KCNU1: variants seen among roughly 807,000 people sequenced by gnomAD.
KCNU1 encodes the protein potassium calcium-activated channel subfamily U member 1.
Under a neutral mutation model 126.8 loss-of-function variants are expected in KCNU1, and 93 were observed. The observed-to-expected ratio is 0.73, with a 90% CI of 0.62 to 0.87. KCNU1 has a LOEUF of 0.87. KCNU1 is among the 40% of genes least tolerant of loss of function. The probability of loss-of-function intolerance (pLI) is 0.00; values close to 1 mark genes in which losing one functional copy is unlikely to be tolerated. For synonymous variants in KCNU1, 523 were observed against 494.2 expected, an observed-to-expected ratio of 1.06 and a Z score of -0.77; for missense variants, 1,330 against 1,367.1, an observed-to-expected ratio of 0.97 and a Z score of 0.43.
intron 10 of KCNU1, among the ~76,000 whole-genome samples, chr8:36,824,826 T>C (rs1804256701): frequency 6.6e-6 from 1 of 152,196 alleles, no homozygotes; most frequent in Non-Finnish European, 1.5e-5. Context: ...GTATAATACT[T>C]ATTGTTATTG....
chr8:36,847,020 A>T (rs1429605970), intron 18 of KCNU1, among the ~76,000 whole-genome samples: 2 of 152,060 alleles, frequency 1.3e-5, no homozygotes, highest in African/African-American at 4.8e-5. Context: ...GTCTTCACTG[A>T]TTTCTCCTGA....
chr8:36,879,979 G>A (rs1806414178), intron 19 of KCNU1, among the ~76,000 whole-genome samples: 1 of 152,220 alleles, frequency 6.6e-6, no homozygotes, highest in Non-Finnish European at 1.5e-5. Context: ...CCAGCGTACA[G>A]CAACTCTGGC....
intron 19 of KCNU1, among the ~76,000 whole-genome samples, chr8:36,904,062 G>A (rs768347203): frequency 2.6e-5 from 4 of 152,138 alleles, no homozygotes; most frequent in Admixed American, 2.6e-4. Flanking sequence ...GGCTGTCAAA[G>A]AGGGGCCATT....
chr8:36,822,534 T>C (rs1804168271), intron 10 of KCNU1, among the ~76,000 whole-genome samples: 1 of 152,202 alleles, frequency 6.6e-6, no homozygotes, highest in Non-Finnish European at 1.5e-5. Flanking sequence ...CAAAAATACA[T>C]AAATGATACA....
chr8:36,933,469 A>G (rs1161000281), intron 26 of KCNU1, among the ~76,000 whole-genome samples: 2 of 152,124 alleles, frequency 1.3e-5, no homozygotes, highest in Non-Finnish European at 2.9e-5. Context: ...TTACATATAA[A>G]TCATGGGGGT....
At chr8:36,835,324 A>G (rs1407588895) in intron 12 of KCNU1, among the ~76,000 whole-genome samples, 1 of 151,312 alleles carries the variant, frequency 6.6e-6, no homozygotes, top group African/African-American at 2.4e-5. Flanking sequence ...GACCATCAGT[A>G]AGTATTCTCT....
At chr8:36,907,023 C>A (rs769620352) in intron 20 of KCNU1, among the ~76,000 whole-genome samples, 4 of 152,096 alleles carry the variant, frequency 2.6e-5, no homozygotes, top group Non-Finnish European at 5.9e-5. Flanking sequence ...ATTAAGAATG[C>A]AGACAGGTTG....
chr8:36,851,472 G>A (rs1031852308), intron 18 of KCNU1, among the ~76,000 whole-genome samples: 1 of 151,338 alleles, frequency 6.6e-6, no homozygotes, highest in African/African-American at 2.4e-5. Flanking sequence ...TGCCATGATT[G>A]TTAGTTTCCT....
intron 4 of KCNU1, among the ~76,000 whole-genome samples, chr8:36,805,566 C>A (rs1288835208): frequency 1.3e-5 from 2 of 152,146 alleles, no homozygotes; most frequent in Non-Finnish European, 2.9e-5. Context: ...CCCATCTTTA[C>A]TAATAATGAC....
chr8:36,787,672 ATAT>A (rs1315123085), intron 2 of KCNU1, among the ~76,000 whole-genome samples: 13 of 145,824 alleles, frequency 8.9e-5, no homozygotes, highest in Non-Finnish European at 1.2e-4. Flanking sequence ...TAATTTTATA[ATAT>A]TAATATAAAT....
At chr8:36,923,900 T>C (rs1808450060) in intron 24 of KCNU1, among the ~76,000 whole-genome samples, 1 of 152,218 alleles carries the variant, frequency 6.6e-6, no homozygotes, top group Admixed American at 6.5e-5. Flanking sequence ...AAGCTATGAG[T>C]TAAGACTTGC....
chr8:36,891,102 C>T (rs1192736676), intron 19 of KCNU1, among the ~76,000 whole-genome samples: 1 of 151,758 alleles, frequency 6.6e-6, no homozygotes, highest in African/African-American at 2.4e-5. Flanking sequence ...TGTCTCTTGT[C>T]TGTTTTTAAT....
chr8:36,928,290 C>G (rs1004398492), intron 24 of KCNU1, among the ~76,000 whole-genome samples: 2 of 152,078 alleles, frequency 1.3e-5, no homozygotes, highest in African/African-American at 4.8e-5. Context: ...CAGGATAACC[C>G]TAGAATTTAC....
intron 1 of KCNU1, among the ~76,000 whole-genome samples, chr8:36,786,704 A>T (rs1183905283): frequency 6.6e-6 from 1 of 152,198 alleles, no homozygotes; most frequent in Non-Finnish European, 1.5e-5. Context: ...CTTGGTATCC[A>T]CATCAATATA....
At chr8:36,892,255 C>A (rs1298267953) in intron 19 of KCNU1, among the ~76,000 whole-genome samples, 1 of 152,146 alleles carries the variant, frequency 6.6e-6, no homozygotes, top group Non-Finnish European at 1.5e-5. Context: ...AGCTCCTTCA[C>A]TAAAATTTTC....
At chr8:36,799,476 G>T (rs998785092) in intron 2 of KCNU1, among the ~76,000 whole-genome samples, 6 of 151,108 alleles carry the variant, frequency 4.0e-5, no homozygotes, top group African/African-American at 1.2e-4. Context: ...CAGGGTAGAA[G>T]TGTTTGTCTT....
In KCNU1 at chr8:36,918,830, T is replaced by C. The variant is rs375983204; in HGVS notation, c.2529T>C (p.Thr843=). The part of the protein sequence containing the change: ...SDPSPSVSEE[T]PGYTNGHNEK... The stretch of plus-strand genomic sequence containing the variant: ...CTCTTTTCTTCTTTGCAGAGGAGAC[T>C]CCAGGTTACACAAATGGACATAATG... The change falls in exon 23 of 27, where the codon ACT becomes ACC. Residue 843 remains threonine, a synonymous_variant. Coordinates refer to ENST00000399881, the MANE Select transcript of KCNU1 (RefSeq NM_001031836.3). The C allele has an allele frequency of 2.3e-5, 37 of 1,601,112 alleles. No homozygotes were observed. In the African/African-American group the frequency reaches 4.7e-4, roughly 20 times the overall value.
chr8:36,919,428 C>CAAAAA (rs10699066), intron 23 of KCNU1, among the ~76,000 whole-genome samples: 20 of 109,466 alleles, frequency 1.8e-4, no homozygotes, highest in South Asian at 6.4e-4. Flanking sequence ...CTAAAATAGG[C>CAAAAA]AAAAAAAAAA....
chr8:36,904,073 C>T (rs1807527092), intron 19 of KCNU1, among the ~76,000 whole-genome samples: 1 of 152,082 alleles, frequency 6.6e-6, no homozygotes, highest in South Asian at 2.1e-4. Flanking sequence ...AGGGGCCATT[C>T]CTCTCAAACT....
Sources: gnomAD v4.1 joint callset for allele counts (sites outside exome capture counted in the v4.1 genomes callset) on GRCh38, gnomAD v4.1.1 for gene constraint, MANE v1.5 for transcripts, NCBI Gene and HGNC (gene_info 2026-07-23, HGNC 2026-07-21) for gene names.